DRC8: variants seen among roughly 807,000 people sequenced by gnomAD.
DRC8 encodes dynein regulatory complex protein 8.
chr1:245,090,086 T>C, the DRC8 span, among the ~76,000 whole-genome samples: 1 of 152,106 alleles, frequency 6.6e-6, no homozygotes. Flanking sequence ...AAAAGGTAGA[T>C]TGTTGTACCA....
chr1:245,038,393 C>G, the DRC8 span, among the ~76,000 whole-genome samples: 1 of 152,182 alleles, frequency 6.6e-6, no homozygotes, highest in Non-Finnish European at 1.5e-5. Flanking sequence ...AGGCATGAAC[C>G]TGGGAGGCGG....
chr1:244,988,809 G>T, the DRC8 span, among the ~76,000 whole-genome samples: 1 of 152,308 alleles, frequency 6.6e-6, no homozygotes, highest in South Asian at 2.1e-4. Flanking sequence ...AACTTTGATT[G>T]AATATTCCTA....
At chr1:245,019,520 A>G in the DRC8 span, among the ~76,000 whole-genome samples, 8 of 152,018 alleles carry the variant, frequency 5.3e-5, no homozygotes, top group Non-Finnish European at 1.2e-4. Context: ...CCAAGCAGCT[A>G]GGACTACCAC....
chr1:244,970,474 C>G, the DRC8 span: 16 of 1,523,452 alleles, frequency 1.1e-5, no homozygotes, highest in East Asian at 2.1e-4. Context: ...AGCCGCTGCC[C>G]TCGCCGCCCG....
At chr1:245,047,360 C>T in the DRC8 span, among the ~76,000 whole-genome samples, 5,272 of 152,262 alleles carry the variant, frequency 0.035, 327 homozygotes, top group African/African-American at 0.12. Context: ...TTAGGCCAGG[C>T]GCAGTGGCTC....
chr1:245,014,957 G>A, the DRC8 span, among the ~76,000 whole-genome samples: 2 of 152,174 alleles, frequency 1.3e-5, no homozygotes, highest in African/African-American at 4.8e-5. Flanking sequence ...GCAAAATGAT[G>A]AGTAGTTATG....
the DRC8 span, among the ~76,000 whole-genome samples, chr1:245,006,669 C>T: frequency 2.2e-4 from 34 of 152,260 alleles, no homozygotes; most frequent in African/African-American, 8.2e-4. Context: ...TGCACTGGCT[C>T]ACGCCTGTAA....
chr1:245,024,946 C>A, the DRC8 span, among the ~76,000 whole-genome samples: 1 of 152,104 alleles, frequency 6.6e-6, no homozygotes, highest in Non-Finnish European at 1.5e-5. Context: ...CATTTCTTCC[C>A]ACTGAATTAT....
chr1:245,088,968 A>T, the DRC8 span, among the ~76,000 whole-genome samples: 1 of 152,136 alleles, frequency 6.6e-6, no homozygotes, highest in Non-Finnish European at 1.5e-5. The surrounding 1 kb of genome is among the most constrained non-coding windows in gnomAD (Gnocchi z 4.6). Context: ...TTAGGTGCTG[A>T]GTTAAGGTTT....
chr1:245,035,354 A>G, the DRC8 span, among the ~76,000 whole-genome samples: 1 of 151,992 alleles, frequency 6.6e-6, no homozygotes, highest in Non-Finnish European at 1.5e-5. Context: ...TGATACTGGC[A>G]TGATGATGTA....
the DRC8 span, among the ~76,000 whole-genome samples, chr1:245,095,653 C>T: frequency 0.38 from 57,063 of 151,994 alleles, 10,904 homozygotes; most frequent in Non-Finnish European, 0.42. Flanking sequence ...CCTTGGCCTC[C>T]CAAAGAACCG....
the DRC8 span, among the ~76,000 whole-genome samples, chr1:245,076,339 C>T: frequency 6.6e-6 from 1 of 152,194 alleles, no homozygotes; most frequent in Non-Finnish European, 1.5e-5. Context: ...TACTGGTCCC[C>T]CTGTTAGACA....
the DRC8 span, among the ~76,000 whole-genome samples, chr1:245,037,324 G>A: frequency 6.6e-6 from 1 of 152,182 alleles, no homozygotes; most frequent in Non-Finnish European, 1.5e-5. Context: ...TGTAAAAATA[G>A]TTCTGTGTTG....
chr1:245,070,933 C>T, the DRC8 span, among the ~76,000 whole-genome samples: 42 of 152,204 alleles, frequency 2.8e-4, no homozygotes, highest in Non-Finnish European at 5.3e-4. Context: ...CATCCCTCTG[C>T]CATGTTAGGA....
the DRC8 span, among the ~76,000 whole-genome samples, chr1:245,070,713 C>T: frequency 6.6e-6 from 1 of 152,106 alleles, no homozygotes; most frequent in East Asian, 1.9e-4. Flanking sequence ...CTCTTTTATT[C>T]AGTAAAACTT....
the DRC8 span, among the ~76,000 whole-genome samples, chr1:245,090,527 C>G: frequency 6.6e-6 from 1 of 152,194 alleles, no homozygotes; most frequent in Non-Finnish European, 1.5e-5. Context: ...ATCCACCCAT[C>G]GGTGCAGGTG....
the DRC8 span, chr1:245,123,921 A>G: frequency 6.9e-6 from 1 of 144,338 alleles, no homozygotes; most frequent in Non-Finnish European, 1.5e-5. The surrounding 1 kb of genome is among the most constrained non-coding windows in gnomAD (Gnocchi z 5.0). Flanking sequence ...ATATATATAT[A>G]TTTAGAGACA....
At chr1:244,988,279 G>C in the DRC8 span, among the ~76,000 whole-genome samples, 1 of 152,086 alleles carries the variant, frequency 6.6e-6, no homozygotes. Context: ...AGCCTCCTGG[G>C]TAGCTAGAGA....
At chr1:245,102,190 A>G in the DRC8 span, among the ~76,000 whole-genome samples, 1 of 152,232 alleles carries the variant, frequency 6.6e-6, no homozygotes, top group Non-Finnish European at 1.5e-5. Context: ...TGATTCTACA[A>G]GCTAGATTGG....
Sources: gnomAD v4.1 joint callset for allele counts (sites outside exome capture counted in the v4.1 genomes callset) on GRCh38, gnomAD v4.1.1 for gene constraint, Gnocchi (gnomAD v3.1) non-coding constraint, MANE v1.5 for transcripts, NCBI Gene and HGNC (gene_info 2026-07-23, HGNC 2026-07-21) for gene names.